Variants in EBF1 observed in about 807,000 individuals in gnomAD.
EBF1 encodes EBF transcription factor 1, also known as transcription factor COE1.
In EBF1, 10 loss-of-function variants were observed where a neutral mutation model predicts 68.4. That is an observed-to-expected ratio of 0.15 (90% CI 0.09 to 0.25). The LOEUF (loss-of-function observed/expected upper bound fraction) is 0.25. Ranked by LOEUF, EBF1 falls within the 10% of genes least tolerant of loss-of-function variation. EBF1 has a pLI of 1.00. For missense variants in EBF1, 509 were observed against 794.4 expected (o/e 0.64, Z 4.32); for synonymous variants, 298 against 299.8 (o/e 0.99, Z 0.06).
intron 6 of EBF1, among the ~76,000 whole-genome samples, chr5:158,861,579 A>G (rs1794964200): frequency 6.6e-6 from 1 of 152,204 alleles, no homozygotes; most frequent in South Asian, 2.1e-4. Context: ...CTTGAAACCA[A>G]TGGCACAGGA....
intron 6 of EBF1, among the ~76,000 whole-genome samples, chr5:158,913,022 G>A (rs1806359561): frequency 6.6e-6 from 1 of 152,074 alleles, no homozygotes; most frequent in Non-Finnish European, 1.5e-5. Flanking sequence ...CATTCAAGAG[G>A]GCCTTTTTCT....
chr5:158,808,648 G>A (rs1433738334), intron 8 of EBF1, among the ~76,000 whole-genome samples: 1 of 152,140 alleles, frequency 6.6e-6, no homozygotes, highest in African/African-American at 2.4e-5. Flanking sequence ...TAGGATTGTT[G>A]TAAGGTTTGA....
intron 6 of EBF1, among the ~76,000 whole-genome samples, chr5:158,934,639 A>C (rs1288265632): frequency 1.3e-5 from 2 of 152,260 alleles, no homozygotes; most frequent in Non-Finnish European, 2.9e-5. Context: ...ACTTATAATC[A>C]GTCCAAACAT....
At chr5:158,850,653 T>C (rs2127994966) in intron 6 of EBF1, among the ~76,000 whole-genome samples, 1 of 152,350 alleles carries the variant, frequency 6.6e-6, no homozygotes, top group Non-Finnish European at 1.5e-5. Context: ...GATGGAGCTA[T>C]ATACCAGAAA....
intron 5 of EBF1, among the ~76,000 whole-genome samples, chr5:159,074,782 G>T (rs951286539): frequency 6.6e-6 from 1 of 152,136 alleles, no homozygotes; most frequent in Middle Eastern, 3.4e-3. Context: ...TCAAAGCCTC[G>T]GCTAAAACCA....
At chr5:159,089,833 AAAG>A (rs1781318616) in intron 4 of EBF1, among the ~76,000 whole-genome samples, 4 of 151,848 alleles carry the variant, frequency 2.6e-5, no homozygotes, top group Non-Finnish European at 5.9e-5. Flanking sequence ...AGAAAGAAGA[AAAG>A]AAAAGAAAAA....
intron 4 of EBF1, 100 bp from the exon 5 acceptor site, chr5:159,084,839 G>T: frequency 5.1e-6 from 5 of 985,116 alleles, no homozygotes; most frequent in Non-Finnish European, 7.1e-6. Flanking sequence ...ACTACTGAAG[G>T]CCAAATTAGC....
intron 11 of EBF1, among the ~76,000 whole-genome samples, chr5:158,721,875 A>G (rs957263384): frequency 6.6e-6 from 1 of 152,104 alleles, no homozygotes; most frequent in Non-Finnish European, 1.5e-5. Flanking sequence ...TATTTCTGAG[A>G]AGAGTTATGA....
At chr5:158,945,429 A>G (rs918428906) in intron 6 of EBF1, among the ~76,000 whole-genome samples, 3 of 152,116 alleles carry the variant, frequency 2.0e-5, no homozygotes, top group African/African-American at 7.2e-5. Flanking sequence ...CCATTGGTCT[A>G]TATATCTGTT....
intron 6 of EBF1, among the ~76,000 whole-genome samples, chr5:158,956,562 C>T (rs1469620343): frequency 6.6e-6 from 1 of 151,940 alleles, no homozygotes; most frequent in Non-Finnish European, 1.5e-5. Context: ...GAAATCACGA[C>T]CTTAAGGTCT....
chr5:159,030,723 A>G (rs1768626310), intron 6 of EBF1, among the ~76,000 whole-genome samples: 1 of 152,228 alleles, frequency 6.6e-6, no homozygotes, highest in African/African-American at 2.4e-5. Context: ...TTAAAGGAAT[A>G]TAAGGCTGAA....
At chr5:158,920,579 CT>C (rs1258086240) in intron 6 of EBF1, among the ~76,000 whole-genome samples, 3 of 151,958 alleles carry the variant, frequency 2.0e-5, no homozygotes, top group Admixed American at 2.0e-4. Context: ...ACTTTTCTTT[CT>C]TCTTTTTTTT....
intron 10 of EBF1, among the ~76,000 whole-genome samples, chr5:158,747,399 G>A (rs754828872): frequency 1.3e-5 from 2 of 152,108 alleles, no homozygotes; most frequent in Non-Finnish European, 2.9e-5. Flanking sequence ...GTGAAGGATT[G>A]GTAGGCAAAG....
rs562723151 is a variant in EBF1, at chr5:158,847,889, T to C, written c.555-7779A>G. 8.3e-4 allele frequency among the ~76,000 whole-genome samples: 127 copies of C among 152,312 alleles called. 1 individual carries two copies. Among genetic ancestry groups the C allele is most frequent in the Non-Finnish European group, 1.1e-3 (72 of 68,016 alleles). ...GGTTTTGAGCAAAGGTATCAGGACT[T>C]GCACTTCTGGATTACTGGTGTAAAT... On this transcript the variant is annotated intron_variant, in intron 6 of 15. Coordinates refer to ENST00000313708, the MANE Select transcript of EBF1 (RefSeq NM_024007.5).
chr5:158,881,473 C>T (rs940386239), intron 6 of EBF1, among the ~76,000 whole-genome samples: 1 of 152,208 alleles, frequency 6.6e-6, no homozygotes, highest in Non-Finnish European at 1.5e-5. Context: ...GGGGCCATAC[C>T]TCCTCCTCTG....
At chr5:158,990,612 A>G (rs1760121472) in intron 6 of EBF1, among the ~76,000 whole-genome samples, 1 of 152,198 alleles carries the variant, frequency 6.6e-6, no homozygotes, top group Admixed American at 6.5e-5. Context: ...CCAAGTCAGA[A>G]AGTCTTGTTT....
chr5:158,793,986 C>T (rs2127737520), intron 9 of EBF1, among the ~76,000 whole-genome samples: 1 of 152,298 alleles, frequency 6.6e-6, no homozygotes, highest in South Asian at 2.1e-4. Flanking sequence ...ATGATAACAG[C>T]CCAATTTAAA....
chr5:158,731,539 C>T (rs1283439954), intron 10 of EBF1, among the ~76,000 whole-genome samples: 1 of 152,190 alleles, frequency 6.6e-6, no homozygotes. Context: ...ACATTGTAAA[C>T]AGCAGGAGAA....
intron 6 of EBF1, among the ~76,000 whole-genome samples, chr5:158,885,880 A>G (rs1799937505): frequency 1.3e-5 from 2 of 152,242 alleles, no homozygotes; most frequent in Admixed American, 6.5e-5. Flanking sequence ...GTCAGAAAAT[A>G]TGTGATCAAA....
Sources: allele counts gnomAD v4.1 joint callset (sites outside exome capture counted in the v4.1 genomes callset), GRCh38; gene constraint gnomAD v4.1.1; transcripts MANE v1.5; gene names NCBI Gene and HGNC (gene_info 2026-07-23, HGNC 2026-07-21).